Variants in MAP4K3 observed in about 807,000 individuals in gnomAD.
MAP4K3 encodes the protein mitogen-activated protein kinase kinase kinase kinase 3, also known as MAPK/ERK kinase kinase kinase 3.
MAP4K3 carries 94 observed loss-of-function variants against 143.5 expected under a neutral mutation model. The ratio of observed to expected loss-of-function variants is 0.65; its 90% confidence interval spans 0.55 to 0.78. The LOEUF (loss-of-function observed/expected upper bound fraction) is 0.78. Ranked by LOEUF, MAP4K3 falls within the 30% of genes least tolerant of loss-of-function variation. The pLI is 0.00. For synonymous variants in MAP4K3, 416 were observed against 347.2 expected, an observed-to-expected ratio of 1.20 and a Z score of -2.20; for missense variants, 1,077 against 1,068.1, an observed-to-expected ratio of 1.01 and a Z score of -0.12.
intron 26 of MAP4K3, among the ~76,000 whole-genome samples, chr2:39,267,636 G>A (rs1680820591): frequency 6.8e-6 from 1 of 147,078 alleles, no homozygotes; most frequent in East Asian, 2.0e-4. Flanking sequence ...GCACACCATT[G>A]CACTCCAGCC....
chr2:39,366,550 A>C (rs1052549366), intron 2 of MAP4K3, among the ~76,000 whole-genome samples: 1 of 152,192 alleles, frequency 6.6e-6, no homozygotes, highest in Non-Finnish European at 1.5e-5. Context: ...TGAATTCAGA[A>C]AGGGAAGAGG....
chr2:39,431,492 C>T (rs944644459), intron 1 of MAP4K3, among the ~76,000 whole-genome samples: 1 of 152,114 alleles, frequency 6.6e-6, no homozygotes, highest in Non-Finnish European at 1.5e-5. Flanking sequence ...AACCTGGATC[C>T]ATCCCTGAAC....
At chr2:39,387,447 C>T (rs759268309) in intron 1 of MAP4K3, among the ~76,000 whole-genome samples, 3 of 152,104 alleles carry the variant, frequency 2.0e-5, no homozygotes, top group Non-Finnish European at 4.4e-5. Context: ...AGATCCTATA[C>T]GTAATTTCAA....
chr2:39,407,582 T>A (rs1053741511), intron 1 of MAP4K3, among the ~76,000 whole-genome samples: 1 of 152,274 alleles, frequency 6.6e-6, no homozygotes, highest in Non-Finnish European at 1.5e-5. Context: ...TTGTTTTTTA[T>A]AGAGCGAGAG....
At chr2:39,285,811 A>G (rs1681750527) in intron 21 of MAP4K3, among the ~76,000 whole-genome samples, 1 of 152,180 alleles carries the variant, frequency 6.6e-6, no homozygotes, top group African/African-American at 2.4e-5. Context: ...ATCTGTTGAG[A>G]TATTGGGGAT....
chr2:39,434,609 T>C (rs1665396063), intron 1 of MAP4K3, among the ~76,000 whole-genome samples: 1 of 152,196 alleles, frequency 6.6e-6, no homozygotes, highest in African/African-American at 2.4e-5. Flanking sequence ...CCACTGGAAA[T>C]GTAATACATT....
intron 1 of MAP4K3, among the ~76,000 whole-genome samples, chr2:39,383,816 G>C (rs529981220): frequency 6.6e-6 from 1 of 152,134 alleles, no homozygotes; most frequent in African/African-American, 2.4e-5. Flanking sequence ...AGTTTTACTG[G>C]TACATAGCCA....
At position 39,417,781 on chromosome 2, in the gene MAP4K3, T is replaced by C. The variant is rs536084643; in HGVS notation, c.96+19111A>G. The stretch of plus-strand genomic sequence containing the variant: ...GCAAACATACTCAGAGCCCAGATCT[T>C]GGTATCTAACACCATTCTCTAACAG... On this transcript the variant is annotated intron_variant, in intron 1 of 33. Transcript: ENST00000263881. Among the ~76,000 whole-genome samples the C allele has an allele frequency of 9.7e-4, 148 of 152,326 alleles. 1 individual carries two copies. Among genetic ancestry groups the C allele is most frequent in the African/African-American group, 3.3e-3 (137 of 41,574 alleles).
At chr2:39,309,949 C>G (rs1309515987) in intron 13 of MAP4K3, among the ~76,000 whole-genome samples, 2 of 152,122 alleles carry the variant, frequency 1.3e-5, no homozygotes, top group Admixed American at 6.5e-5. Context: ...CAACCACACA[C>G]TGATCTCCAA....
At chr2:39,336,298 T>C (rs1339639129) in intron 6 of MAP4K3, among the ~76,000 whole-genome samples, 1 of 151,330 alleles carries the variant, frequency 6.6e-6, no homozygotes, top group African/African-American at 2.4e-5. Flanking sequence ...CATGATGAAA[T>C]CCTGTCTTTA....
intron 7 of MAP4K3, 117 bp from the exon 8 acceptor site, chr2:39,332,106 G>A (rs1376695113): frequency 4.5e-5 from 23 of 513,982 alleles, no homozygotes; most frequent in Non-Finnish European, 7.1e-5. Context: ...AGCAATACGG[G>A]ATATTCTCAA....
At chr2:39,384,195 C>T (rs1666427892) in intron 1 of MAP4K3, among the ~76,000 whole-genome samples, 3 of 152,076 alleles carry the variant, frequency 2.0e-5, no homozygotes. Flanking sequence ...GTATTACTAT[C>T]TGACCCTTTA....
intron 2 of MAP4K3, among the ~76,000 whole-genome samples, chr2:39,367,882 AT>A (rs553553591): frequency 1.7e-3 from 262 of 152,280 alleles, no homozygotes; most frequent in African/African-American, 6.1e-3. Context: ...AAGAATTAAG[AT>A]TTTTTTCATC....
intron 8 of MAP4K3, among the ~76,000 whole-genome samples, chr2:39,331,366 G>C (rs1683676209): frequency 1.3e-5 from 2 of 152,096 alleles, no homozygotes; most frequent in African/African-American, 4.8e-5. Flanking sequence ...ACTATGATCA[G>C]TATCTAACAG....
chr2:39,332,104 G>C, intron 7 of MAP4K3, 115 bp from the exon 8 acceptor site: 1 of 521,028 alleles, frequency 1.9e-6, no homozygotes, highest in Admixed American at 3.1e-5. Flanking sequence ...ACAGCAATAC[G>C]GGATATTCTC....
chr2:39,268,264 G>A (rs1021945764), intron 26 of MAP4K3, among the ~76,000 whole-genome samples: 11 of 152,076 alleles, frequency 7.2e-5, no homozygotes, highest in African/African-American at 2.4e-4. Flanking sequence ...GGTTGTTGGT[G>A]CATCAAATTG....
At chr2:39,279,406 A>T (rs150631485) in intron 23 of MAP4K3, among the ~76,000 whole-genome samples, 7 of 152,332 alleles carry the variant, frequency 4.6e-5, no homozygotes, top group Admixed American at 3.9e-4. Flanking sequence ...CCTATGACAT[A>T]AAAGTACTCA....
intron 1 of MAP4K3, among the ~76,000 whole-genome samples, chr2:39,435,959 T>C (rs1172238087): frequency 1.3e-5 from 2 of 152,244 alleles, no homozygotes; most frequent in Admixed American, 1.3e-4. Flanking sequence ...AACTTTCCAA[T>C]GCAAAATTAA....
At chr2:39,296,755 T>C (rs189160556) in intron 16 of MAP4K3, among the ~76,000 whole-genome samples, 1 of 152,358 alleles carries the variant, frequency 6.6e-6, no homozygotes, top group African/African-American at 2.4e-5. Context: ...TCACTCACAT[T>C]ACTACTTGTT....
Sources: gnomAD v4.1 joint callset for allele counts (sites outside exome capture counted in the v4.1 genomes callset) on GRCh38, gnomAD v4.1.1 for gene constraint, MANE v1.5 for transcripts, NCBI Gene and HGNC (gene_info 2026-07-23, HGNC 2026-07-21) for gene names.